KCNC3: variants seen among roughly 807,000 people sequenced by gnomAD.
KCNC3 encodes potassium voltage-gated channel subfamily C member 3, also known as voltage-gated potassium channel KCNC3.
Under a neutral mutation model 43.9 loss-of-function variants are expected in KCNC3, and 22 were observed. That is an observed-to-expected ratio of 0.50 (90% CI 0.36 to 0.72). The LOEUF (loss-of-function observed/expected upper bound fraction) is 0.72. Ranked by LOEUF, KCNC3 falls within the 30% of genes least tolerant of loss-of-function variation. The pLI is 0.00. For synonymous variants in KCNC3, 492 were observed against 488.0 expected, an observed-to-expected ratio of 1.01 and a Z score of -0.11; for missense variants, 829 against 1,073.8, an observed-to-expected ratio of 0.77 and a Z score of 3.19.
rs528945468 is a variant in KCNC3, at chr19:50,319,155, T to A, written c.*23+1068A>T. Among the ~76,000 whole-genome samples the A allele has an allele frequency of 1.1e-4, 16 of 152,246 alleles. No homozygotes were observed. The South Asian group carries it at 1.2e-3, about 12-fold the overall frequency. On this transcript the variant is annotated intron_variant, in intron 4 of 4. Coordinates refer to ENST00000477616, the MANE Select transcript of KCNC3 (RefSeq NM_004977.3). ...TAGGTACTTGGTGATATTTGCTGAA[T>A]GATTCGTCTACTAAATAGCACCACT...
At chr19:50,320,818 GGA>G in intron 2 of KCNC3, 34 bp from the exon 3 acceptor site, 1 of 1,607,374 alleles carries the variant, frequency 6.2e-7, no homozygotes, top group Non-Finnish European at 8.5e-7. Flanking sequence ...GAGAGACAAA[GGA>G]GAGAGTGAGG....
chr19:50,316,961 A>G (rs1380206291), intron 4 of KCNC3, among the ~76,000 whole-genome samples: 1 of 151,974 alleles, frequency 6.6e-6, no homozygotes, highest in Non-Finnish European at 1.5e-5. Flanking sequence ...TTTGAGTTCA[A>G]TGAATGGATT....
chr19:50,320,255 T>C lies in KCNC3; in HGVS notation c.2265A>G (p.Ile755Met). The C allele has an allele frequency of 5.2e-6, 4 of 774,354 alleles. No individual in the cohort carries two copies. Among genetic ancestry groups the C allele is most frequent in the Middle Eastern group, 3.9e-4 (1 of 2,592 alleles). The allele number at this position is 774,354 out of a possible 1,614,324, so 48.0% of individuals were successfully genotyped here. Reference sequence around the variant, plus strand: ...GGAGGGGGTTCGTCCACTAGGGGGATATCCAGGCCGCGGCGTTGGCGTTGA... The same window carrying C: ...GGAGGGGGTTCGTCCACTAGGGGGACATCCAGGCCGCGGCGTTGGCGTTGA... ...PDLNANAAAW[I>M]SP The change falls in exon 4 of 5, where the codon ATA (isoleucine) becomes ATG (methionine). Residue 755 changes from isoleucine to methionine, a missense_variant. Around this residue, in one of 7 missense-constraint regions of KCNC3, gnomAD observed 308 missense variants for 276.2 expected, o/e 1.11. Coordinates refer to ENST00000477616, the MANE Select transcript of KCNC3 (RefSeq NM_004977.3).
In KCNC3 at chr19:50,328,551, C is replaced by T. The variant is rs1449420106; in HGVS notation, c.532G>A (p.Glu178Lys). 6.2e-7 allele frequency: 1 copy of T among 1,610,894 alleles called. No homozygotes were observed. The highest frequency in any genetic ancestry group is 8.5e-7 in the Non-Finnish European group (1 of 1,179,540). ...CAGCAGCAGGCCTCCACGTCGGTCT[C>T]GTCGATGCCCCAGAAGCCGAGCTCC... ...EEELGFWGID[E>K]TDVEACCWMT... Residue 178 changes from glutamate (E) to lysine (K), a missense_variant, in exon 1 of 5, where the codon GAG (glutamate) becomes AAG (lysine). Physicochemically the swap from Glu to Lys is moderately conservative, Grantham distance 56 (BLOSUM62 1). This residue lies in a region of KCNC3 where 121 missense variants were observed against 247.4 expected (regional missense o/e 0.49). Coordinates refer to ENST00000477616, the MANE Select transcript of KCNC3 (RefSeq NM_004977.3).
In KCNC3 at chr19:50,328,631, T is replaced by C; in HGVS notation, c.452A>G (p.Tyr151Cys). The C allele has an allele frequency of 1.2e-6, 2 of 1,611,058 alleles. No individual in the cohort carries two copies. The highest frequency in any genetic ancestry group is 1.7e-6 in the Non-Finnish European group (2 of 1,179,326). The change falls in exon 1 of 5, where the codon TAC (tyrosine) becomes TGC (cysteine). Residue 151 changes from tyrosine to cysteine, a missense_variant. Transcript: ENST00000477616. ...TGGGCAGTGCAGCTTGCCGGTGCGG[T>C]AGTAGTTGAGCACGTACGCGAAGAC... ...PGVFAYVLNYYRTGKLHCPAD... is the reference protein window; with the variant it reads ...PGVFAYVLNYCRTGKLHCPAD...
At position 50,314,874 on chromosome 19, in the gene KCNC3, T is replaced by G. The variant is rs1601090997; in HGVS notation, c.*1241A>C. On this transcript the variant is annotated 3_prime_UTR_variant, in exon 5 of 5. Transcript: ENST00000477616. ...GAGCGCTAAAGGATGGAGGGCAGGGTCGGGGGAGCGCGGCGGGCGGCCCGG... is the reference window on the plus strand; with the variant it reads ...GAGCGCTAAAGGATGGAGGGCAGGGGCGGGGGAGCGCGGCGGGCGGCCCGG... 1 of 290,566 alleles carries G rather than the reference T, an allele frequency of 3.4e-6. No individual in the cohort carries two copies. The highest frequency in any genetic ancestry group is 6.7e-6 in the Non-Finnish European group (1 of 148,254). 18.0% of individuals were successfully genotyped at this position (290,566 alleles called of 1,614,324 possible). A position where few individuals can be genotyped will look rare whatever the true frequency, so the allele number is the denominator to read the frequency against.
Position 50,323,198 on chromosome 19 carries a change from G to GGGCGGGGGT in KCNC3, c.1746_1754dup (p.Pro583_Pro585dup), listed in dbSNP as rs747618525. On this transcript the variant is annotated inframe_insertion, in exon 2 of 5. Coordinates refer to ENST00000477616, the MANE Select transcript of KCNC3 (RefSeq NM_004977.3). ...TGCCCCCGCTGCCGTGGTGCGGGTG[G>GGGCGGGGGT]GGCGGGGGTGGCGGGGGTGGGTCAG... The GGGCGGGGGT allele has an allele frequency of 1.5e-5, 23 of 1,522,286 alleles. No homozygotes were observed. Among genetic ancestry groups the GGGCGGGGGT allele is most frequent in the South Asian group, 1.3e-4 (11 of 83,706 alleles). 94.3% of individuals were successfully genotyped at this position (1,522,286 alleles called of 1,614,324 possible).
Position 50,328,555 on chromosome 19 carries a change from G to A in KCNC3, c.528C>T (p.Ile176=), listed in dbSNP as rs752609623. The A allele has an allele frequency of 1.2e-6, 2 of 1,610,928 alleles. No homozygotes were observed. The highest frequency in any genetic ancestry group is 1.7e-6 in the Non-Finnish European group (2 of 1,179,550). ...LFEEELGFWG[I]DETDVEACCW... ...AGCAGGCCTCCACGTCGGTCTCGTC[G>A]ATGCCCCAGAAGCCGAGCTCCTCCT... Residue 176 remains isoleucine, a synonymous_variant, in exon 1 of 5, where the codon ATC becomes ATT. Transcript: ENST00000477616.
intron 2 of KCNC3, among the ~76,000 whole-genome samples, chr19:50,322,520 T>A (rs564603233): frequency 6.6e-6 from 1 of 152,130 alleles, no homozygotes; most frequent in African/African-American, 2.4e-5. Flanking sequence ...CTGGTCTCCA[T>A]GACAATCTCT....
intron 2 of KCNC3, among the ~76,000 whole-genome samples, 171 bp from the exon 3 acceptor site, chr19:50,320,955 G>A (rs1445310247): frequency 6.7e-6 from 1 of 148,248 alleles, no homozygotes; most frequent in Non-Finnish European, 1.5e-5. Flanking sequence ...CAGGAGGGTG[G>A]CAGGGGGCAC....
At chr19:50,328,025 C>G (rs1420000283) in intron 1 of KCNC3, among the ~76,000 whole-genome samples, 188 bp downstream of exon 1, 1 of 142,212 alleles carries the variant, frequency 7.0e-6, no homozygotes, top group Non-Finnish European at 1.5e-5. Context: ...TTTGGAGGAT[C>G]TGGGGGATGG....
At chr19:50,332,479 G>C (rs931820756), upstream of KCNC3, among the ~76,000 whole-genome samples, 15 of 152,054 alleles carry the variant, frequency 9.9e-5, no homozygotes, top group African/African-American at 3.6e-4. The surrounding 1 kb of genome is among the most constrained non-coding windows in gnomAD (Gnocchi z 5.8). Context: ...AGGCTGGTCC[G>C]TCCACATTCC....
chr19:50,330,593 G>A (rs1282723485), upstream of KCNC3, among the ~76,000 whole-genome samples: 1 of 152,138 alleles, frequency 6.6e-6, no homozygotes, highest in Non-Finnish European at 1.5e-5. Context: ...ACACCGCGGC[G>A]GACTGCAGAT....
intron 4 of KCNC3, among the ~76,000 whole-genome samples, chr19:50,319,915 T>TA (rs2037004800): frequency 6.6e-6 from 1 of 150,916 alleles, no homozygotes; most frequent in South Asian, 2.1e-4. Flanking sequence ...ATTGAATTTT[T>TA]AAAAAAAACC....
chr19:50,326,045 G>C (rs2037101317), intron 1 of KCNC3, among the ~76,000 whole-genome samples: 1 of 152,208 alleles, frequency 6.6e-6, no homozygotes, highest in Non-Finnish European at 1.5e-5. Context: ...TCTGTAAGAA[G>C]GAAAGGAGTG....
rs537321546 is a variant in KCNC3 at position 50,324,856 on chromosome 19, G to A, written c.871-774C>T. ...CAGGGCAGTGGTGGTGCCACAGAGG[G>A]GAGGTGGGGGTCCGGGCCCTTAAGG... On this transcript the variant is annotated intron_variant, in intron 1 of 4. Transcript: ENST00000477616. The surrounding 1 kb of genome is among the most constrained non-coding windows in gnomAD (Gnocchi z 4.1). Among the ~76,000 whole-genome samples the A allele has an allele frequency of 6.6e-6, 1 of 152,234 alleles. No individual in the cohort carries two copies. The highest frequency in any genetic ancestry group is 1.9e-4 in the East Asian group (1 of 5,160).
Position 50,314,790 on chromosome 19 carries a change from C to T in KCNC3, c.*1325G>A. The T allele has an allele frequency of 5.0e-6, 2 of 400,004 alleles. No individual in the cohort carries two copies. Among genetic ancestry groups the T allele is most frequent in the Non-Finnish European group, 9.9e-6 (2 of 202,286 alleles). The allele number at this position is 400,004 out of a possible 1,614,324, so 24.8% of individuals were successfully genotyped here. A position where few individuals can be genotyped will look rare whatever the true frequency, so the allele number is the denominator to read the frequency against. On this transcript the variant is annotated 3_prime_UTR_variant, in exon 5 of 5. Coordinates refer to ENST00000477616, the MANE Select transcript of KCNC3 (RefSeq NM_004977.3). ...AAAAAACCCTTTTCCCCACCCCCCA[C>T]CCCCAGCTCCTTTGACCTTCTTCCC...
rs1485761913 is a variant in KCNC3 at position 50,312,098 on chromosome 19, C to A, written c.*4017G>T. 6.6e-6 allele frequency: 1 copy of A among 151,902 alleles called. No individual in the cohort carries two copies. The highest frequency in any genetic ancestry group is 1.5e-5 in the Non-Finnish European group (1 of 67,922). 9.4% of individuals were successfully genotyped at this position (151,902 alleles called of 1,614,324 possible). A position where few individuals can be genotyped will look rare whatever the true frequency, so the allele number is the denominator to read the frequency against. Reference sequence around the variant, plus strand: ...GCGTGGGGGAGGCTTGGGGAAGGGGCCACGCCGACCCCTCCCTCCCTGCCC... The same window carrying A: ...GCGTGGGGGAGGCTTGGGGAAGGGGACACGCCGACCCCTCCCTCCCTGCCC... On this transcript the variant is annotated 3_prime_UTR_variant, in exon 5 of 5. Transcript: ENST00000477616.
In KCNC3 at chr19:50,329,060, G is replaced by A. The variant is rs761806977; in HGVS notation, c.23C>T (p.Ser8Leu). The A allele has an allele frequency of 1.1e-5, 15 of 1,311,576 alleles. No individual in the cohort carries two copies. Among genetic ancestry groups the A allele is most frequent in the South Asian group, 3.7e-5 (2 of 54,630 alleles). 81.2% of individuals were successfully genotyped at this position (1,311,576 alleles called of 1,614,324 possible). A position where few individuals can be genotyped will look rare whatever the true frequency, so the allele number is the denominator to read the frequency against. MLSSVCV[S>L]SFRGRQGASK... ...GGCCCCCTGGCGCCCGCGGAAGGAC[G>A]AGACGCAGACTGAGCTCAGCATTGG... is the stretch of plus-strand genomic sequence containing the variant. Residue 8 changes from serine to leucine, a missense_variant, in exon 1 of 5, where the codon TCG (serine) becomes TTG (leucine). By Grantham distance (145) the Ser-to-Leu change is moderately radical (BLOSUM62 -2). This residue lies in a region of KCNC3 where 129 missense variants were observed against 83.6 expected (regional missense o/e 1.54). Transcript: ENST00000477616.
Sources: allele counts gnomAD v4.1 joint callset (sites outside exome capture counted in the v4.1 genomes callset), GRCh38; gene constraint gnomAD v4.1.1; regional missense constraint gnomAD v4.1.1; non-coding constraint Gnocchi (gnomAD v3.1); transcripts MANE v1.5; gene names NCBI Gene and HGNC (gene_info 2026-07-23, HGNC 2026-07-21).